Variants in USP45 observed in about 807,000 individuals in gnomAD.
USP45 encodes ubiquitin specific peptidase 45.
Under a neutral mutation model 95.8 loss-of-function variants are expected in USP45, and 89 were observed. The observed-to-expected ratio is 0.93, with a 90% CI of 0.78 to 1.11. The LOEUF (loss-of-function observed/expected upper bound fraction) is 1.11. USP45 is among the 50% of genes least tolerant of loss of function. The pLI, the probability that USP45 is intolerant of heterozygous loss-of-function variation, is 0.00. For synonymous variants in USP45, 281 were observed against 316.2 expected, an observed-to-expected ratio of 0.89 and a Z score of 1.18; for missense variants, 898 against 942.5, an observed-to-expected ratio of 0.95 and a Z score of 0.62.
rs550845913 is a variant in USP45 at position 99,505,169 on chromosome 6, T to G, written c.378-1304A>C. Among the ~76,000 whole-genome samples the G allele has an allele frequency of 5.9e-5, 9 of 152,322 alleles. No homozygotes were observed. In the South Asian group the frequency reaches 1.9e-3, roughly 32 times the overall value. On this transcript the variant is annotated intron_variant, in intron 4 of 17. Transcript: ENST00000500704. ...ATAGCTGTTCTATTTTGCTTGGCGC[T>G]TATTTGGAGGCAGAGGGTTAGGAAA...
intron 9 of USP45, among the ~76,000 whole-genome samples, chr6:99,473,628 C>T (rs1051803380): frequency 1.3e-5 from 2 of 151,116 alleles, no homozygotes; most frequent in South Asian, 4.2e-4. Context: ...TGGTGGCACA[C>T]CCTGTAATCC....
chr6:99,465,118 G>A lies in USP45; in HGVS notation c.1126C>T (p.Pro376Ser), dbSNP rs537392808. The A allele has an allele frequency of 2.5e-6, 4 of 1,593,818 alleles. No homozygotes were observed. Among genetic ancestry groups the A allele is most frequent in the Non-Finnish European group, 3.4e-6 (4 of 1,168,076 alleles). ...ATAGGAAGTGAAATATCAATGAATG[G>A]ATCTTTCACCGTGGAGATCTTAAAA... The part of the protein sequence containing the change: ...ECANISTVKD[P>S]FIDISLPIIE... Residue 376 changes from proline to serine, a missense_variant, in exon 12 of 18, where the codon CCA becomes TCA. Physicochemically the swap from Pro to Ser is moderately conservative, Grantham distance 74. Coordinates refer to ENST00000500704, the MANE Select transcript of USP45 (RefSeq NM_001346022.3).
rs1269250146 is a variant in USP45 at position 99,465,104 on chromosome 6, AATATC to A, written c.1135_1139del (p.Asp379PhefsTer20). 6.3e-7 allele frequency: 1 copy of A among 1,598,654 alleles called. No individual in the cohort carries two copies. The highest frequency in any genetic ancestry group is 1.3e-5 in the African/African-American group (1 of 74,806). On this transcript the variant is annotated frameshift_variant, in exon 12 of 18. Transcript: ENST00000500704. LOFTEE classifies it high-confidence loss of function. ...CCCTTTCTTCTATTATAGGAAGTGA[AATATC>A]AATGAATGGATCTTTCACCGTGGAG...
intron 13 of USP45, among the ~76,000 whole-genome samples, chr6:99,451,121 G>A (rs549622322): frequency 6.6e-6 from 1 of 152,236 alleles, no homozygotes; most frequent in South Asian, 2.1e-4. Flanking sequence ...TTGAAAACTG[G>A]CACAAGACAG....
rs1357621911 is a variant in USP45, at chr6:99,443,545, G to T, written c.2073+20C>A. ...TGTAAAACACATGATGAAAATTATG[G>T]TGCTACTGAAGAAACTTACCTGATG... On this transcript the variant is annotated intron_variant, in intron 15 of 17. Coordinates refer to ENST00000500704, the MANE Select transcript of USP45 (RefSeq NM_001346022.3). 10 of 1,544,956 alleles carry T rather than the reference G, an allele frequency of 6.5e-6. No individual in the cohort carries two copies. The highest frequency in any genetic ancestry group is 8.9e-6 in the Non-Finnish European group (10 of 1,124,502).
chr6:99,483,665 T>C (rs368191321), intron 7 of USP45, among the ~76,000 whole-genome samples: 215 of 151,170 alleles, frequency 1.4e-3, no homozygotes, highest in African/African-American at 4.9e-3. Flanking sequence ...GGTGAAACCC[T>C]GTCTCTACTA....
intron 1 of USP45, among the ~76,000 whole-genome samples, chr6:99,512,771 G>C (rs1434295820): frequency 6.6e-6 from 1 of 152,130 alleles, no homozygotes; most frequent in Admixed American, 6.5e-5. Flanking sequence ...CATGTAAAAA[G>C]CCTCTGAGTT....
intron 4 of USP45, among the ~76,000 whole-genome samples, chr6:99,505,387 C>T (rs1475761067): frequency 1.3e-5 from 2 of 151,880 alleles, no homozygotes; most frequent in Admixed American, 6.6e-5. Context: ...GCATTATGGC[C>T]GGGTGTAGTG....
Position 99,482,804 on chromosome 6 carries a change from G to A in USP45, c.794C>T (p.Thr265Ile). Residue 265 changes from threonine (T) to isoleucine (I), a missense_variant, in exon 8 of 18, where the codon ACT (threonine) becomes ATT (isoleucine). Physicochemically the swap from Thr to Ile is moderately conservative, Grantham distance 89. Coordinates refer to ENST00000500704, the MANE Select transcript of USP45 (RefSeq NM_001346022.3). ...LFLFLHSMKE[T>I]EKGPLSPKVL... ...TTTAGGAGAAAGTGGTCCTTTTTCAGTCTCCTTCATGCTGTGAAGAAACAG... is the reference window on the plus strand; with the variant it reads ...TTTAGGAGAAAGTGGTCCTTTTTCAATCTCCTTCATGCTGTGAAGAAACAG... 2 of 1,605,430 alleles carry A rather than the reference G, an allele frequency of 1.2e-6. No homozygotes were observed. The highest frequency in any genetic ancestry group is 1.7e-6 in the Non-Finnish European group (2 of 1,175,370).
intron 13 of USP45, among the ~76,000 whole-genome samples, chr6:99,459,625 T>C (rs1163267813): frequency 6.6e-6 from 1 of 152,192 alleles, no homozygotes; most frequent in Non-Finnish European, 1.5e-5. Context: ...ATTCCTTTTC[T>C]CTGCAGCCTC....
Position 99,515,398 on chromosome 6 carries a change from G to C in USP45, c.-17C>G, listed in dbSNP as rs1050753190. On this transcript the variant is annotated 5_prime_UTR_variant, in exon 1 of 18. Coordinates refer to ENST00000500704, the MANE Select transcript of USP45 (RefSeq NM_001346022.3). ...CGCCGCGTTCTCAACTCACCCCGCCGGGCCGGGCCGCAGCGTCTACAACCT... is the reference window on the plus strand; with the variant it reads ...CGCCGCGTTCTCAACTCACCCCGCCCGGCCGGGCCGCAGCGTCTACAACCT... 2 of 152,358 alleles carry C rather than the reference G, an allele frequency of 1.3e-5. No individual in the cohort carries two copies. Among genetic ancestry groups the C allele is most frequent in the South Asian group, 2.1e-4 (1 of 4,826 alleles). 9.4% of individuals were successfully genotyped at this position (152,358 alleles called of 1,614,324 possible). A position where few individuals can be genotyped will look rare whatever the true frequency, so the allele number is the denominator to read the frequency against.
At chr6:99,491,802 C>G (rs1419363475) in intron 5 of USP45, among the ~76,000 whole-genome samples, 1 of 151,542 alleles carries the variant, frequency 6.6e-6, no homozygotes, top group Non-Finnish European at 1.5e-5. Flanking sequence ...ACTTAACATT[C>G]TTAATAAATG....
At chr6:99,464,520 A>G (rs1787404140) in intron 13 of USP45, 84 bp downstream of exon 13, 3 of 1,443,316 alleles carry the variant, frequency 2.1e-6, no homozygotes, top group South Asian at 1.5e-5. Context: ...TTATTACACT[A>G]TGTTCTCTAC....
intron 3 of USP45, 34 bp from the exon 4 acceptor site, chr6:99,507,565 T>C (rs1477458890): frequency 7.2e-7 from 1 of 1,382,908 alleles, no homozygotes; most frequent in African/African-American, 1.4e-5. Context: ...TTGTATGACT[T>C]ACAAATGTTT....
At chr6:99,485,177 A>G (rs1793577723) in intron 7 of USP45, among the ~76,000 whole-genome samples, 1 of 139,040 alleles carries the variant, frequency 7.2e-6, no homozygotes, top group African/African-American at 3.0e-5. Context: ...TAAAAATACA[A>G]AAAAAAAAAA....
At chr6:99,502,135 A>C in intron 5 of USP45, 1 of 1,035,308 alleles carries the variant, frequency 9.7e-7, no homozygotes. Flanking sequence ...TCCACACCAA[A>C]ACTCCAGTGA....
At chr6:99,482,617 G>A in intron 8 of USP45, 136 bp downstream of exon 8, 2 of 783,786 alleles carry the variant, frequency 2.6e-6, no homozygotes, top group Non-Finnish European at 3.8e-6. Flanking sequence ...GCATAGAGCT[G>A]TAACAAATTT....
Position 99,507,526 on chromosome 6 carries a change from A to G in USP45, c.279T>C (p.Cys93=). 6.2e-7 allele frequency: 1 copy of G among 1,602,846 alleles called. No homozygotes were observed. The highest frequency in any genetic ancestry group is 8.5e-7 in the Non-Finnish European group (1 of 1,171,890). Residue 93 remains cysteine (C), a synonymous_variant, in exon 4 of 18, where the codon TGT becomes TGC. Coordinates refer to ENST00000500704, the MANE Select transcript of USP45 (RefSeq NM_001346022.3). ...AATGTTGGCTTTCTGAGTTTTTACC[A>G]CATCCCTGAAGATGAACAGAATTTT... The part of the protein sequence containing the change: ...WLCLKCGFQG[C]GKNSESQHSL...
At chr6:99,447,075 T>G (rs1582999578) in intron 13 of USP45, among the ~76,000 whole-genome samples, 1 of 137,582 alleles carries the variant, frequency 7.3e-6, no homozygotes, top group Non-Finnish European at 1.6e-5. Context: ...AATGTATCTG[T>G]TTTTTAAACA....
Sources: allele counts gnomAD v4.1 joint callset (sites outside exome capture counted in the v4.1 genomes callset), GRCh38; gene constraint gnomAD v4.1.1; transcripts MANE v1.5; gene names NCBI Gene and HGNC (gene_info 2026-07-23, HGNC 2026-07-21).